EIF2AK4: variants seen among roughly 807,000 people sequenced by gnomAD.
EIF2AK4 encodes eIF-2-alpha kinase GCN2.
In EIF2AK4, 139 loss-of-function variants were observed where a neutral mutation model predicts 211.1. That is an observed-to-expected ratio of 0.66 (90% CI 0.57 to 0.76). The LOEUF (loss-of-function observed/expected upper bound fraction) is 0.76. EIF2AK4 is among the 30% of genes least tolerant of loss of function. The pLI is 0.00. For missense variants in EIF2AK4, 1,664 were observed against 2,043.8 expected (o/e 0.81, Z 3.58); for synonymous variants, 710 against 751.3 (o/e 0.94, Z 0.90).
At chr15:39,941,045 G>T (rs979181447) in intron 2 of EIF2AK4, among the ~76,000 whole-genome samples, 2 of 152,142 alleles carry the variant, frequency 1.3e-5, no homozygotes, top group African/African-American at 4.8e-5. Context: ...GGTAAGGTGT[G>T]TGGGAAGAGG....
At position 39,997,957 on chromosome 15, in the gene EIF2AK4, A is replaced by G. The variant is rs368271197; in HGVS notation, c.2869-774A>G. Among the ~76,000 whole-genome samples, 6 of 152,368 alleles carry G rather than the reference A, an allele frequency of 3.9e-5. No individual in the cohort carries two copies. The East Asian group carries it at 9.6e-4, about 24-fold the overall frequency. ...TTTATTAAGTTAATTCATAAACACG[A>G]TAACTAGAATGCAGTAAGAATACTC... On this transcript the variant is annotated intron_variant, in intron 19 of 38. Coordinates refer to ENST00000263791, the MANE Select transcript of EIF2AK4 (RefSeq NM_001013703.4).
chr15:39,963,961 C>T (rs1005530973), intron 7 of EIF2AK4, among the ~76,000 whole-genome samples: 8 of 152,200 alleles, frequency 5.3e-5, no homozygotes, highest in African/African-American at 1.9e-4. Context: ...TTACTCCATC[C>T]CATAAACATT....
At chr15:39,973,150 A>G (rs2034647868) in intron 10 of EIF2AK4, 136 bp downstream of exon 10, 1 of 726,296 alleles carries the variant, frequency 1.4e-6, no homozygotes, top group African/African-American at 1.8e-5. Context: ...CATTAGTTTG[A>G]TGTGTGCCAT....
Position 39,976,523 on chromosome 15 carries a change from T to G in EIF2AK4, c.1928T>G (p.Leu643Arg), listed in dbSNP as rs757852728. ...GGCGAAGTGACACTGCTGTCACGGC[T>G]GCACCATGAGAACATTGTGCGCTAC... ...IKGEVTLLSR[L>R]HHENIVRYYN... is the part of the protein sequence containing the mutation. Residue 643 changes from leucine to arginine, a missense_variant, in exon 12 of 39, where the codon CTG becomes CGG. Leu to Arg is a moderately radical substitution (Grantham distance 102). This residue lies in a region of EIF2AK4 where 37 missense variants were observed against 84.0 expected (regional missense o/e 0.44). Coordinates refer to ENST00000263791, the MANE Select transcript of EIF2AK4 (RefSeq NM_001013703.4). 4 of 1,612,756 alleles carry G rather than the reference T, an allele frequency of 2.5e-6. No individual in the cohort carries two copies. The highest frequency in any genetic ancestry group is 3.3e-5 in the Admixed American group (2 of 59,912).
At chr15:39,948,439 A>G (rs942843264) in intron 3 of EIF2AK4, among the ~76,000 whole-genome samples, 1 of 152,182 alleles carries the variant, frequency 6.6e-6, no homozygotes, top group Non-Finnish European at 1.5e-5. Flanking sequence ...CAACCTAAGT[A>G]TGATTTATGT....
intron 37 of EIF2AK4, among the ~76,000 whole-genome samples, chr15:40,033,346 A>G (rs923874826): frequency 3.3e-5 from 5 of 152,246 alleles, no homozygotes; most frequent in African/African-American, 7.2e-5. Context: ...TTAGTACTAT[A>G]CAAAACAAAA....
intron 7 of EIF2AK4, among the ~76,000 whole-genome samples, chr15:39,964,326 A>G (rs1024336447): frequency 6.6e-6 from 1 of 152,250 alleles, no homozygotes; most frequent in Non-Finnish European, 1.5e-5. Context: ...TGAAGATAGT[A>G]TAGCATCATG....
intron 9 of EIF2AK4, among the ~76,000 whole-genome samples, chr15:39,971,692 G>A (rs2034627201): frequency 6.6e-6 from 1 of 151,688 alleles, no homozygotes; most frequent in Non-Finnish European, 1.5e-5. Flanking sequence ...TTTCCAGCTT[G>A]GGTGACAGAG....
chr15:40,033,748 CG>C (rs1485390241), intron 37 of EIF2AK4, among the ~76,000 whole-genome samples: 3 of 152,114 alleles, frequency 2.0e-5, no homozygotes, highest in African/African-American at 7.2e-5. Context: ...AAACAGAGGC[CG>C]GGTGCAGTGG....
chr15:39,977,468 TGTGC>T (rs1023888236), intron 12 of EIF2AK4: 1 of 152,208 alleles, frequency 6.6e-6, no homozygotes, highest in Admixed American at 6.5e-5. Context: ...CACCTCCGGC[TGTGC>T]GGCCCTAACA....
chr15:39,958,454 A>G (rs2034422190), intron 6 of EIF2AK4, among the ~76,000 whole-genome samples: 1 of 152,170 alleles, frequency 6.6e-6, no homozygotes, highest in South Asian at 2.1e-4. Flanking sequence ...AGAAGAGATC[A>G]TTAAGGGTAT....
At chr15:39,943,594 A>T in intron 3 of EIF2AK4, 109 bp downstream of exon 3, 1 of 835,932 alleles carries the variant, frequency 1.2e-6, no homozygotes, top group East Asian at 2.7e-5. Flanking sequence ...ACAAAAGGGA[A>T]CATTGTGATT....
chr15:40,010,609 T>C (rs1412315676), intron 26 of EIF2AK4, among the ~76,000 whole-genome samples: 1 of 96,998 alleles, frequency 1.0e-5, no homozygotes, highest in Non-Finnish European at 2.1e-5. Flanking sequence ...ATCCAGGAGA[T>C]GTAAGAACTA....
chr15:39,985,699 A>G (rs902438647), intron 13 of EIF2AK4, 106 bp from the exon 14 acceptor site: 43 of 926,684 alleles, frequency 4.6e-5, no homozygotes, highest in Non-Finnish European at 6.3e-5. Context: ...CCCTAAGGCA[A>G]CTGGGTGGCC....
chr15:39,939,640 T>C, intron 2 of EIF2AK4, 23 bp downstream of exon 2: 1 of 1,562,856 alleles, frequency 6.4e-7, no homozygotes. Context: ...ATAAATAGCT[T>C]TGACGTGGTT....
intron 35 of EIF2AK4, among the ~76,000 whole-genome samples, chr15:40,031,544 A>G (rs894677153): frequency 2.6e-5 from 4 of 152,012 alleles, no homozygotes; most frequent in African/African-American, 9.7e-5. Flanking sequence ...GCTTCATACT[A>G]TCATCTCTCT....
intron 27 of EIF2AK4, among the ~76,000 whole-genome samples, chr15:40,013,010 T>C (rs1384977948): frequency 6.6e-6 from 1 of 152,182 alleles, no homozygotes; most frequent in Non-Finnish European, 1.5e-5. Context: ...ATGGAGTTAG[T>C]TGATGATAGG....
At chr15:40,020,875 G>A in intron 30 of EIF2AK4, 24 bp from the exon 31 acceptor site, 1 of 1,597,844 alleles carries the variant, frequency 6.3e-7, no homozygotes, top group African/African-American at 1.3e-5. Flanking sequence ...TCCTCTAACT[G>A]TAACCGGTCT....
At chr15:39,968,873 G>GATATATATAT (rs376138307) in intron 9 of EIF2AK4, among the ~76,000 whole-genome samples, 10,301 of 146,852 alleles carry the variant, frequency 0.07, 465 homozygotes, top group Middle Eastern at 0.19. Flanking sequence ...AAGTGAATAT[G>GATATATATAT]ATATATATAT....
Sources: gnomAD v4.1 joint callset for allele counts (sites outside exome capture counted in the v4.1 genomes callset) on GRCh38, gnomAD v4.1.1 for gene constraint, gnomAD v4.1.1 regional missense constraint, MANE v1.5 for transcripts, NCBI Gene and HGNC (gene_info 2026-07-23, HGNC 2026-07-21) for gene names.